SPATA13: variants seen among roughly 807,000 people sequenced by gnomAD.
SPATA13 encodes the protein spermatogenesis-associated protein 13.
SPATA13 carries 50 observed loss-of-function variants against 104.0 expected under a neutral mutation model. The observed-to-expected ratio is 0.48, with a 90% CI of 0.38 to 0.61. The LOEUF (loss-of-function observed/expected upper bound fraction) is 0.61, where lower values mean the gene tolerates loss of function less well. SPATA13 is among the 20% of genes least tolerant of loss of function. The pLI is 0.00. For synonymous variants in SPATA13, 606 were observed against 667.5 expected, an observed-to-expected ratio of 0.91 and a Z score of 1.42; for missense variants, 1,524 against 1,690.6, an observed-to-expected ratio of 0.90 and a Z score of 1.73.
intron 2 of SPATA13, among the ~76,000 whole-genome samples, chr13:24,239,554 G>GATCACTTGAA (rs1872729991): frequency 2.0e-5 from 3 of 151,736 alleles, no homozygotes; most frequent in African/African-American, 7.3e-5. Flanking sequence ...AATTAGCCAG[G>GATCACTTGAA]CGTGGTGGTG....
At chr13:24,133,947 T>A (rs1024117296) in intron 3 of SPATA13, among the ~76,000 whole-genome samples, 4 of 152,154 alleles carry the variant, frequency 2.6e-5, no homozygotes, top group African/African-American at 9.7e-5. Flanking sequence ...CAACGCTTCA[T>A]GTATCCTGTC....
Position 24,081,522 on chromosome 13 carries a change from A to AT in SPATA13, c.-112+63821_-112+63822insT, listed in dbSNP as rs1341477317. Among the ~76,000 whole-genome samples, 6 of 151,934 alleles carry AT rather than the reference A, an allele frequency of 3.9e-5. No individual in the cohort carries two copies. In the East Asian group the frequency reaches 1.2e-3, roughly 29 times the overall value. Reference sequence around the variant, plus strand: ...TCATTCTATTTCTTACTAAAAAAAAAAGCTGGCCCAGTGTGATGACTCATG... The same window carrying AT: ...TCATTCTATTTCTTACTAAAAAAAAATAGCTGGCCCAGTGTGATGACTCATG... On this transcript the variant is annotated intron_variant, in intron 3 of 14. Coordinates refer to the SPATA13 transcript ENST00000424834.
intron 3 of SPATA13, among the ~76,000 whole-genome samples, chr13:24,138,725 A>G (rs543743659): frequency 2.0e-5 from 3 of 149,424 alleles, no homozygotes; most frequent in Non-Finnish European, 4.4e-5. Flanking sequence ...CTGGGACTAC[A>G]GGCTTGTGCC....
chr13:24,152,366 G>C (rs1349798261), intron 3 of SPATA13, among the ~76,000 whole-genome samples: 1 of 152,240 alleles, frequency 6.6e-6, no homozygotes, highest in African/African-American at 2.4e-5. Flanking sequence ...GCACAGGCCA[G>C]GTGCCATGGG....
chr13:24,253,104 A>C (rs1051949337), intron 4 of SPATA13: 2 of 152,178 alleles, frequency 1.3e-5, no homozygotes, highest in African/African-American at 4.8e-5. Context: ...CCAGGATGGA[A>C]GATTCAGCTG....
In SPATA13 at chr13:24,082,274, C is replaced by T. The variant is rs368660640; in HGVS notation, c.-112+64573C>T. ...TCATAAGCACGTAAGTGTTCTGTGG[C>T]AGGGGCAGGCTTGACCTGATGTCAG... On this transcript the variant is annotated intron_variant, in intron 3 of 14. Coordinates refer to the SPATA13 transcript ENST00000424834. Among the ~76,000 whole-genome samples, 19 of 152,328 alleles carry T rather than the reference C, an allele frequency of 1.2e-4. No individual in the cohort carries two copies. In the East Asian group the frequency reaches 2.7e-3, roughly 22 times the overall value.
In SPATA13 at chr13:24,299,157, G is replaced by A. The variant is rs563437617; in HGVS notation, c.3584-1244G>A. On this transcript the variant is annotated intron_variant, in intron 11 of 12. Coordinates refer to ENST00000382108, the MANE Select transcript of SPATA13 (RefSeq NM_001166271.3). ...TAGTCGTCATATGACGTTGTCTAGCGCAGGCCCTGAAGTCATCTGTAAGTC... is the reference window on the plus strand; with the variant it reads ...TAGTCGTCATATGACGTTGTCTAGCACAGGCCCTGAAGTCATCTGTAAGTC... Among the ~76,000 whole-genome samples the A allele has an allele frequency of 8.5e-5, 13 of 152,288 alleles. No individual in the cohort carries two copies. The South Asian group carries it at 1.2e-3, about 15-fold the overall frequency.
At chr13:23,996,933 C>G (rs553037944) in intron 2 of SPATA13, among the ~76,000 whole-genome samples, 17 of 152,286 alleles carry the variant, frequency 1.1e-4, no homozygotes, top group African/African-American at 4.1e-4. Context: ...CTCAGATCAT[C>G]TTGGAGGCAG....
At chr13:24,173,301 G>A (rs1261943882) in intron 1 of SPATA13, among the ~76,000 whole-genome samples, 2 of 151,108 alleles carry the variant, frequency 1.3e-5, no homozygotes, top group Non-Finnish European at 2.9e-5. Flanking sequence ...ATAGACAATT[G>A]ATTTTTAAAA....
chr13:24,022,938 T>C (rs1366501739), intron 3 of SPATA13, among the ~76,000 whole-genome samples: 2 of 92,334 alleles, frequency 2.2e-5, no homozygotes, highest in African/African-American at 6.2e-5. Flanking sequence ...TTGAATCTTC[T>C]TTTTTTTTAT....
chr13:24,029,862 G>A (rs1877397787), intron 3 of SPATA13, among the ~76,000 whole-genome samples: 1 of 151,984 alleles, frequency 6.6e-6, no homozygotes, highest in Non-Finnish European at 1.5e-5. Flanking sequence ...ACTTATAAGT[G>A]AGAACATGCG....
chr13:24,221,121 T>G (rs1871563154), intron 1 of SPATA13, among the ~76,000 whole-genome samples: 1 of 152,198 alleles, frequency 6.6e-6, no homozygotes, highest in African/African-American at 2.4e-5. Context: ...AGATGCCCAT[T>G]GTGCTTCTCT....
intron 3 of SPATA13, among the ~76,000 whole-genome samples, chr13:24,027,316 G>T (rs1877270907): frequency 6.6e-6 from 1 of 151,570 alleles, no homozygotes; most frequent in African/African-American, 2.4e-5. Flanking sequence ...TGTATTTTTA[G>T]TAGAGACGGC....
At chr13:24,280,867 T>A (rs191368129) in intron 4 of SPATA13, among the ~76,000 whole-genome samples, 1 of 152,132 alleles carries the variant, frequency 6.6e-6, no homozygotes, top group African/African-American at 2.4e-5. Flanking sequence ...GACCTCCTGC[T>A]CTCCGACTGT....
chr13:24,041,791 A>G (rs1211405486), intron 3 of SPATA13, among the ~76,000 whole-genome samples: 1 of 152,168 alleles, frequency 6.6e-6, no homozygotes, highest in East Asian at 1.9e-4. Context: ...TCTAGAAGGA[A>G]GGTGGGAAAG....
At chr13:24,228,651 TG>T (rs1872087603) in intron 2 of SPATA13, among the ~76,000 whole-genome samples, 1 of 152,204 alleles carries the variant, frequency 6.6e-6, no homozygotes, top group South Asian at 2.1e-4. Context: ...AAGCAATTTT[TG>T]TCTATTTTGT....
At chr13:24,150,361 G>A (rs564306259) in intron 3 of SPATA13, among the ~76,000 whole-genome samples, 4 of 152,308 alleles carry the variant, frequency 2.6e-5, no homozygotes, top group East Asian at 3.9e-4. Context: ...TGGCATGGCA[G>A]TGCATCTCAG....
chr13:24,181,066 G>A (rs1034361783), intron 1 of SPATA13, among the ~76,000 whole-genome samples: 1 of 152,104 alleles, frequency 6.6e-6, no homozygotes, highest in Non-Finnish European at 1.5e-5. Context: ...CATGGAAAAG[G>A]TACAGAAAAA....
intron 3 of SPATA13, among the ~76,000 whole-genome samples, chr13:24,129,079 T>C (rs984373412): frequency 6.6e-6 from 1 of 152,246 alleles, no homozygotes; most frequent in Non-Finnish European, 1.5e-5. Flanking sequence ...ATTCCTCTGA[T>C]AGGCTGACTT....
Sources: gnomAD v4.1 joint callset for allele counts (sites outside exome capture counted in the v4.1 genomes callset) on GRCh38, gnomAD v4.1.1 for gene constraint, MANE v1.5 for transcripts, NCBI Gene and HGNC (gene_info 2026-07-23, HGNC 2026-07-21) for gene names.